Variants in CDC42EP3 observed in about 807,000 individuals in gnomAD.
CDC42EP3 encodes the protein CDC42 effector protein (Rho GTPase binding) 3.
In CDC42EP3, 4 loss-of-function variants were observed where a neutral mutation model predicts 15.5. The observed-to-expected ratio is 0.26, with a 90% confidence interval of 0.13 to 0.59. The LOEUF (loss-of-function observed/expected upper bound fraction) is 0.59. CDC42EP3 is among the 20% of genes least tolerant of loss of function. CDC42EP3 has a pLI of 0.89. For missense variants in CDC42EP3, 309 were observed against 311.2 expected (o/e 0.99, Z 0.05); for synonymous variants, 145 against 130.3 (o/e 1.11, Z -0.77).
Position 37,642,884 on chromosome 2 carries a change from G to A in CDC42EP3, c.*2939C>T, listed in dbSNP as rs1665313261. On this transcript the variant is annotated 3_prime_UTR_variant, in exon 2 of 2. Transcript: ENST00000295324. Reference sequence around the variant, plus strand: ...TGTGTGCTGTTAACAGTGATTTCTGGCTCAGTGAAATGTGATAATGACTTC... The same window carrying A: ...TGTGTGCTGTTAACAGTGATTTCTGACTCAGTGAAATGTGATAATGACTTC... 1.3e-5 allele frequency: 2 copies of A among 152,138 alleles called. No homozygotes were observed. Among genetic ancestry groups the A allele is most frequent in the African/African-American group, 4.8e-5 (2 of 41,428 alleles). 9.4% of individuals were successfully genotyped at this position (152,138 alleles called of 1,614,324 possible). A position where few individuals can be genotyped will look rare whatever the true frequency, so the allele number is the denominator to read the frequency against.
In CDC42EP3 at chr2:37,643,935, C is replaced by G. The variant is rs1304356458; in HGVS notation, c.*1888G>C. 2.0e-5 allele frequency: 3 copies of G among 151,466 alleles called. No individual in the cohort carries two copies. Among genetic ancestry groups the G allele is most frequent in the African/African-American group, 7.3e-5 (3 of 41,204 alleles). 9.4% of individuals were successfully genotyped at this position (151,466 alleles called of 1,614,324 possible). A position where few individuals can be genotyped will look rare whatever the true frequency, so the allele number is the denominator to read the frequency against. On this transcript the variant is annotated 3_prime_UTR_variant, in exon 2 of 2. Transcript: ENST00000295324. ...GTCCAACCTGTGGCCCGCATGAAGT[C>G]CAACACAAATTTTTAAACTTTCTTA...
rs201690457 is a variant in CDC42EP3, at chr2:37,668,742, G to A, written c.-236+2684C>T. The stretch of plus-strand genomic sequence containing the variant: ...TACACCAGCAAAATGGGGATACAAC[G>A]GTTCTTTCATTAGATGATTGCTAGA... On this transcript the variant is annotated intron_variant, in intron 1 of 1. Transcript: ENST00000295324. Among the ~76,000 whole-genome samples, 13 of 152,252 alleles carry A rather than the reference G, an allele frequency of 8.5e-5. No homozygotes were observed. In the East Asian group the frequency reaches 1.5e-3, roughly 18 times the overall value.
intron 1 of CDC42EP3, among the ~76,000 whole-genome samples, chr2:37,662,795 T>C (rs1198813433): frequency 6.6e-6 from 1 of 152,174 alleles, no homozygotes; most frequent in Non-Finnish European, 1.5e-5. Flanking sequence ...GAAAACAGGC[T>C]CTAGTTGGTG....
chr2:37,646,221 A>C lies in CDC42EP3; in HGVS notation c.367T>G (p.Leu123Val), dbSNP rs61731520. Residue 123 changes from leucine (L) to valine (V), a missense_variant, in exon 2 of 2, where the codon TTG (leucine) becomes GTG (valine). Transcript: ENST00000295324. ...GGSQALMLPL[L>V]SPVTFNSKQE... is the part of the protein sequence containing the mutation. ...TTGGAATTAAATGTCACTGGTGACAATAAGGGCAACATGAGAGCTTGGGAT... is the reference window on the plus strand; with the variant it reads ...TTGGAATTAAATGTCACTGGTGACACTAAGGGCAACATGAGAGCTTGGGAT... The C allele has an allele frequency of 1.2e-6, 2 of 1,614,202 alleles. No homozygotes were observed. The highest frequency in any genetic ancestry group is 1.7e-6 in the Non-Finnish European group (2 of 1,180,028).
intron 1 of CDC42EP3, among the ~76,000 whole-genome samples, chr2:37,658,294 T>A (rs1665947735): frequency 6.6e-6 from 1 of 152,242 alleles, no homozygotes. Flanking sequence ...ACATCAAGCA[T>A]GTGACCAACA....
chr2:37,670,482 CTTTTTTTTTTT>C (rs5830491), intron 1 of CDC42EP3, among the ~76,000 whole-genome samples: 1 of 136,648 alleles, frequency 7.3e-6, no homozygotes, highest in Non-Finnish European at 1.6e-5. Context: ...AATTCGCTCA[CTTTTTTTTTTT>C]TTTTTTTTAA....
At chr2:37,664,820 C>G (rs1255941701) in intron 1 of CDC42EP3, among the ~76,000 whole-genome samples, 8 of 152,064 alleles carry the variant, frequency 5.3e-5, no homozygotes, top group African/African-American at 1.9e-4. Flanking sequence ...GAGCAGAAAA[C>G]CAAATACCGC....
At chr2:37,671,338 C>G (rs955932163) in intron 1 of CDC42EP3, 88 bp downstream of exon 1, 1 of 152,402 alleles carries the variant, frequency 6.6e-6, no homozygotes, top group Non-Finnish European at 1.5e-5. Flanking sequence ...AGCCTAACAC[C>G]AGCGCACGCC....
In CDC42EP3 at chr2:37,644,971, C is replaced by T. The variant is rs1434015719; in HGVS notation, c.*852G>A. 4 of 152,090 alleles carry T rather than the reference C, an allele frequency of 2.6e-5. No individual in the cohort carries two copies. The highest frequency in any genetic ancestry group is 9.7e-5 in the African/African-American group (4 of 41,384). 9.4% of individuals were successfully genotyped at this position (152,090 alleles called of 1,614,324 possible). On this transcript the variant is annotated 3_prime_UTR_variant, in exon 2 of 2. Coordinates refer to ENST00000295324, the MANE Select transcript of CDC42EP3 (RefSeq NM_006449.5). The stretch of plus-strand genomic sequence containing the variant: ...GTCTCTGCAGAAGCATCATGAGTAA[C>T]CTGTGCCTTTACACTTTACAATCCG...
In CDC42EP3 at chr2:37,645,070, C is replaced by T. The variant is rs1044025442; in HGVS notation, c.*753G>A. On this transcript the variant is annotated 3_prime_UTR_variant, in exon 2 of 2. Coordinates refer to ENST00000295324, the MANE Select transcript of CDC42EP3 (RefSeq NM_006449.5). ...AAGTATGAATACACTTTTCCAAACA[C>T]GCACATACACAGCTTACAATGGAAT... The T allele has an allele frequency of 6.6e-6, 1 of 152,110 alleles. No individual in the cohort carries two copies. Among genetic ancestry groups the T allele is most frequent in the Non-Finnish European group, 1.5e-5 (1 of 68,010 alleles). The allele number at this position is 152,110 out of a possible 1,614,324, so 9.4% of individuals were successfully genotyped here.
At chr2:37,653,217 T>C (rs1229463897) in intron 1 of CDC42EP3, among the ~76,000 whole-genome samples, 1 of 152,142 alleles carries the variant, frequency 6.6e-6, no homozygotes, top group Non-Finnish European at 1.5e-5. Flanking sequence ...AGAGAACACA[T>C]GTGGCAGGCA....
chr2:37,668,467 G>A (rs1218810566), intron 1 of CDC42EP3, among the ~76,000 whole-genome samples: 1 of 152,224 alleles, frequency 6.6e-6, no homozygotes, highest in African/African-American at 2.4e-5. Flanking sequence ...AGGTAAAGGT[G>A]AGGTAACTTG....
chr2:37,646,997 A>G (rs1665501746), intron 1 of CDC42EP3, among the ~76,000 whole-genome samples, 175 bp from the exon 2 acceptor site: 1 of 152,252 alleles, frequency 6.6e-6, no homozygotes, highest in African/African-American at 2.4e-5. Context: ...CAGGAAAGAG[A>G]AAGACCTAAA....
At chr2:37,654,903 A>C (rs1051005894) in intron 1 of CDC42EP3, among the ~76,000 whole-genome samples, 6 of 152,192 alleles carry the variant, frequency 3.9e-5, no homozygotes, top group African/African-American at 1.4e-4. Context: ...AATAATTTTA[A>C]AATTGAAGGG....
chr2:37,662,344 A>G (rs1309004622), intron 1 of CDC42EP3, among the ~76,000 whole-genome samples: 2 of 152,332 alleles, frequency 1.3e-5, no homozygotes, highest in East Asian at 3.9e-4. Context: ...GCCCATATCA[A>G]TGGAAGGGGT....
In CDC42EP3 at chr2:37,645,996, C is replaced by T. The variant is rs145686620; in HGVS notation, c.592G>A (p.Asp198Asn). ...TCAAACATGTCCTCGGCTGGCCAGT[C>T]GGGGTACTGTTCGGACAGGCTGGAG... is the stretch of plus-strand genomic sequence containing the variant. ...HSSSLSEQYP[D>N]WPAEDMFDHP... is the part of the protein sequence containing the mutation. The change falls in exon 2 of 2, where the codon GAC becomes AAC. Residue 198 changes from aspartate to asparagine, a missense_variant. Asp to Asn is a conservative substitution (Grantham distance 23). Coordinates refer to ENST00000295324, the MANE Select transcript of CDC42EP3 (RefSeq NM_006449.5). 2.5e-5 allele frequency: 41 copies of T among 1,613,870 alleles called. 1 individual carries two copies. The highest frequency in any genetic ancestry group is 2.3e-4 in the South Asian group (21 of 91,038).
At chr2:37,650,859 G>A (rs1665651152) in intron 1 of CDC42EP3, among the ~76,000 whole-genome samples, 1 of 152,234 alleles carries the variant, frequency 6.6e-6, no homozygotes, top group Non-Finnish European at 1.5e-5. Flanking sequence ...AGTAGAGGCA[G>A]TGGGGCAATA....
chr2:37,652,390 G>C (rs1166483339), intron 1 of CDC42EP3, among the ~76,000 whole-genome samples: 2 of 152,074 alleles, frequency 1.3e-5, no homozygotes, highest in African/African-American at 4.8e-5. Context: ...CAGGCCGGAA[G>C]CGAATTACCA....
At position 37,646,637 on chromosome 2, in the gene CDC42EP3, C is replaced by A. The variant is rs1463395169; in HGVS notation, c.-50G>T. ...TGCAAGCGGGAGAAAGGGCCACTTT[C>A]TTCACAGATGGTATATGTTTCTGAA... On this transcript the variant is annotated 5_prime_UTR_variant, in exon 2 of 2. Coordinates refer to ENST00000295324, the MANE Select transcript of CDC42EP3 (RefSeq NM_006449.5). 6.8e-7 allele frequency: 1 copy of A among 1,460,112 alleles called. No homozygotes were observed. The highest frequency in any genetic ancestry group is 9.2e-7 in the Non-Finnish European group (1 of 1,084,822). The allele number at this position is 1,460,112 out of a possible 1,614,324, so 90.4% of individuals were successfully genotyped here. A position where few individuals can be genotyped will look rare whatever the true frequency, so the allele number is the denominator to read the frequency against.
Sources: allele counts gnomAD v4.1 joint callset (sites outside exome capture counted in the v4.1 genomes callset), GRCh38; gene constraint gnomAD v4.1.1; transcripts MANE v1.5; gene names NCBI Gene and HGNC (gene_info 2026-07-23, HGNC 2026-07-21).